The following RRP12 variants were observed in gnomAD, a reference collection of about 807,000 sequenced individuals.
RRP12 encodes the protein ribosomal RNA processing 12 homolog, also known as RRP12-like protein.
In RRP12, 78 loss-of-function variants were observed where a neutral mutation model predicts 157.3. That is an observed-to-expected ratio of 0.50 (90% confidence interval 0.41 to 0.60). RRP12 has a LOEUF of 0.60. Among genes scored for constraint, RRP12 ranks in the 20% least tolerant of loss-of-function variants. The pLI, the probability that RRP12 is intolerant of heterozygous loss-of-function variation, is 0.00. For synonymous variants in RRP12, 726 were observed against 670.9 expected (o/e 1.08, Z -1.27); for missense variants, 1,521 against 1,679.9 (o/e 0.91, Z 1.65).
At chr10:97,387,678 C>T (rs1027741096) in intron 8 of RRP12, among the ~76,000 whole-genome samples, 9 of 151,244 alleles carry the variant, frequency 6.0e-5, no homozygotes, top group African/African-American at 2.2e-4. Context: ...CAGTGGCTCA[C>T]GCCTGTAATC....
At chr10:97,382,629 C>G (rs1238833276) in intron 10 of RRP12, among the ~76,000 whole-genome samples, 6 of 152,132 alleles carry the variant, frequency 3.9e-5, no homozygotes, top group African/African-American at 1.4e-4. Flanking sequence ...GGATTCACAC[C>G]CTTAGCAATG....
intron 3 of RRP12, 102 bp from the exon 4 acceptor site, chr10:97,393,862 G>A: frequency 1.1e-6 from 1 of 893,946 alleles, no homozygotes; most frequent in South Asian, 1.5e-5. Flanking sequence ...TTGTGACTGA[G>A]AACCACGGTA....
chr10:97,398,039 A>T lies in RRP12; in HGVS notation c.370-1738T>A, dbSNP rs1463397347. Among the ~76,000 whole-genome samples the T allele has an allele frequency of 9.5e-3, 533 of 55,906 alleles. 9 individuals carry two copies. The highest frequency in any genetic ancestry group is 0.022 in the African/African-American group (251 of 11,502). 36.7% of individuals were successfully genotyped at this position (55,906 alleles called of 152,430 possible). Reference sequence around the variant, plus strand: ...TATATATATGTATATATATATACGTATTTTTTTTTTTTTTTTTTTTTTTTT... The same window carrying T: ...TATATATATGTATATATATATACGTTTTTTTTTTTTTTTTTTTTTTTTTTT... On this transcript the variant is annotated intron_variant, in intron 2 of 33. Transcript: ENST00000370992.
At chr10:97,364,941 T>C (rs1348843842) in intron 29 of RRP12, among the ~76,000 whole-genome samples, 1 of 151,948 alleles carries the variant, frequency 6.6e-6, no homozygotes, top group Non-Finnish European at 1.5e-5. Context: ...GATGGGAAAG[T>C]ATACAGGGGC....
In RRP12 at chr10:97,390,494, C is replaced by A. The variant is rs533992646; in HGVS notation, c.682G>T (p.Ala228Ser). Residue 228 changes from alanine to serine, a missense_variant, in exon 6 of 34, where the codon GCC (alanine) becomes TCC (serine). Ala to Ser is a moderately conservative substitution (Grantham distance 99, BLOSUM62 1). Transcript: ENST00000370992. Reference protein sequence around the residue: ...ATLLRKQDLEAWGYPVTLQVY... With the variant: ...ATLLRKQDLESWGYPVTLQVY... ...TGAAGGGTCACGGGGTAGCCCCAGG[C>A]CTCCAGGTCTTGCTTCCGCAGAAGG... 3.7e-6 allele frequency: 6 copies of A among 1,614,100 alleles called. No individual in the cohort carries two copies. The South Asian group carries it at 6.6e-5, about 18-fold the overall frequency.
chr10:97,358,837 T>A, intron 32 of RRP12, 106 bp downstream of exon 32: 1 of 960,630 alleles, frequency 1.0e-6, no homozygotes, highest in Non-Finnish European at 1.6e-6. Flanking sequence ...CTCAGTTGAG[T>A]TCCAGGAAGG....
intron 25 of RRP12, 127 bp downstream of exon 25, chr10:97,369,298 G>A: frequency 1.0e-6 from 1 of 966,516 alleles, no homozygotes; most frequent in South Asian, 1.6e-5. Context: ...GTCCCTTTTA[G>A]GGCTCCTTAA....
chr10:97,390,169 G>A (rs1334855738), intron 6 of RRP12, among the ~76,000 whole-genome samples: 1 of 152,194 alleles, frequency 6.6e-6, no homozygotes, highest in Non-Finnish European at 1.5e-5. Flanking sequence ...GACATATGGG[G>A]AGAGTCCACG....
chr10:97,390,330 C>T (rs1453753163), intron 6 of RRP12, 93 bp downstream of exon 6: 11 of 939,366 alleles, frequency 1.2e-5, no homozygotes, highest in Non-Finnish European at 1.7e-5. Flanking sequence ...AGGGCAAGCT[C>T]CCCAGTGCCA....
chr10:97,386,984 C>T (rs955100454), intron 8 of RRP12, among the ~76,000 whole-genome samples: 2 of 133,138 alleles, frequency 1.5e-5, no homozygotes, highest in Admixed American at 7.5e-5. Context: ...AGCGAGACTC[C>T]ATCACAAAAA....
Position 97,400,549 on chromosome 10 carries a change from C to A in RRP12, c.140-15G>T, listed in dbSNP as rs376534297. 1 of 1,605,022 alleles carries A rather than the reference C, an allele frequency of 6.2e-7. No homozygotes were observed. The highest frequency in any genetic ancestry group is 8.5e-7 in the Non-Finnish European group (1 of 1,172,992). On this transcript the variant is annotated splice_polypyrimidine_tract_variant and intron_variant, in intron 1 of 33. Coordinates refer to ENST00000370992, the MANE Select transcript of RRP12 (RefSeq NM_015179.4). ...GTCACTCCTTCCTGAGAGCCAGAGGCACAAGATAAGGTCCAAGCCTCCTTT... is the reference window on the plus strand; with the variant it reads ...GTCACTCCTTCCTGAGAGCCAGAGGAACAAGATAAGGTCCAAGCCTCCTTT...
At chr10:97,391,718 G>A (rs1450317260) in intron 4 of RRP12, among the ~76,000 whole-genome samples, 2 of 152,148 alleles carry the variant, frequency 1.3e-5, no homozygotes, top group African/African-American at 2.4e-5. Context: ...TCAGGAGATC[G>A]AGACCATCCT....
At chr10:97,368,043 T>G (rs562355293) in intron 25 of RRP12, among the ~76,000 whole-genome samples, 243 of 149,716 alleles carry the variant, frequency 1.6e-3, no homozygotes, top group African/African-American at 5.4e-3. Context: ...TTTTTTTTTT[T>G]TTTTTGAGAC....
At position 97,366,882 on chromosome 10, in the gene RRP12, G is replaced by T; in HGVS notation, c.3075C>A (p.Pro1025=). 1.2e-6 allele frequency: 2 copies of T among 1,613,922 alleles called. No individual in the cohort carries two copies. The highest frequency in any genetic ancestry group is 1.7e-6 in the Non-Finnish European group (2 of 1,179,922). Residue 1025 remains proline, a synonymous_variant, in exon 27 of 34, where the codon CCC becomes CCA. Transcript: ENST00000370992. Reference sequence around the variant, plus strand: ...TGACCAGGACTCTGTGGTACTCCTCGGGCAACAGCCTTTTCACCAGCTCAA... The same window carrying T: ...TGACCAGGACTCTGTGGTACTCCTCTGGCAACAGCCTTTTCACCAGCTCAA... ...FGFELVKRLL[P]EEYHRVLVNI...
chr10:97,366,067 A>G, intron 29 of RRP12, 41 bp downstream of exon 29: 1 of 1,599,606 alleles, frequency 6.3e-7, no homozygotes, highest in East Asian at 2.2e-5. Context: ...CGAAGGAATA[A>G]GTGAACACGG....
At chr10:97,390,165 T>TG (rs1314952972) in intron 6 of RRP12, among the ~76,000 whole-genome samples, 1 of 151,720 alleles carries the variant, frequency 6.6e-6, no homozygotes, top group East Asian at 1.9e-4. Context: ...AATAGACATA[T>TG]GGGGAGAGTC....
At chr10:97,375,018 G>A (rs573624730) in intron 15 of RRP12, among the ~76,000 whole-genome samples, 1 of 152,076 alleles carries the variant, frequency 6.6e-6, no homozygotes, top group Admixed American at 6.5e-5. Flanking sequence ...GCGGAGTTGG[G>A]ATATAAACCG....
intron 15 of RRP12, among the ~76,000 whole-genome samples, chr10:97,375,304 A>G (rs148183261): frequency 6.7e-4 from 101 of 151,226 alleles, no homozygotes; most frequent in African/African-American, 2.4e-3. Context: ...GGGTCTTGCT[A>G]TGTTGCCCAG....
At chr10:97,365,940 A>C in intron 29 of RRP12, 168 bp downstream of exon 29, 1 of 853,838 alleles carries the variant, frequency 1.2e-6, no homozygotes. Context: ...TACAACATAA[A>C]AAGATTTCTT....
Sources: allele counts gnomAD v4.1 joint callset (sites outside exome capture counted in the v4.1 genomes callset), GRCh38; gene constraint gnomAD v4.1.1; transcripts MANE v1.5; gene names NCBI Gene and HGNC (gene_info 2026-07-23, HGNC 2026-07-21).